Variants in ANKS1B observed in about 807,000 individuals in gnomAD.
The protein encoded by ANKS1B is ankyrin repeat and sterile alpha motif domain-containing protein 1B.
In ANKS1B, 36 loss-of-function variants were observed where a neutral mutation model predicts 148.3. That is an observed-to-expected ratio of 0.24 (90% CI 0.19 to 0.32). The LOEUF (loss-of-function observed/expected upper bound fraction) is 0.32, where lower values mean the gene tolerates loss of function less well. Among genes scored for constraint, ANKS1B ranks in the 10% least tolerant of loss-of-function variants. The probability of loss-of-function intolerance (pLI) is 1.00; values close to 1 mark genes in which losing one functional copy is unlikely to be tolerated. For synonymous variants in ANKS1B, 542 were observed against 560.8 expected (o/e 0.97, Z 0.47); for missense variants, 1,157 against 1,542.6 (o/e 0.75, Z 4.19).
At chr12:99,047,127 T>A (rs1223810054) in intron 17 of ANKS1B, among the ~76,000 whole-genome samples, 1 of 152,124 alleles carries the variant, frequency 6.6e-6, no homozygotes, top group African/African-American at 2.4e-5. Context: ...AGGCCAGATA[T>A]GGTGGCTTAC....
At chr12:99,937,617 C>T (rs1220418761) in intron 1 of ANKS1B, among the ~76,000 whole-genome samples, 1 of 152,108 alleles carries the variant, frequency 6.6e-6, no homozygotes, top group Non-Finnish European at 1.5e-5. Context: ...TTCCTGACAA[C>T]GTGGCATATG....
chr12:99,121,323 GTGT>G (rs2062806008), intron 15 of ANKS1B, among the ~76,000 whole-genome samples: 27 of 123,250 alleles, frequency 2.2e-4, no homozygotes, highest in South Asian at 1.1e-3. Flanking sequence ...ATGTAGGTAT[GTGT>G]GTGTGTGTGT....
intron 17 of ANKS1B, among the ~76,000 whole-genome samples, chr12:99,048,304 T>C (rs1210169636): frequency 6.6e-6 from 1 of 152,252 alleles, no homozygotes; most frequent in African/African-American, 2.4e-5. Flanking sequence ...CAGAGATAGA[T>C]CATAAATGGC....
At chr12:98,811,236 C>G (rs1414364167) in intron 19 of ANKS1B, among the ~76,000 whole-genome samples, 1 of 152,154 alleles carries the variant, frequency 6.6e-6, no homozygotes, top group Non-Finnish European at 1.5e-5. Context: ...AAATCTGCCT[C>G]TAGCTTGACT....
intron 12 of ANKS1B, among the ~76,000 whole-genome samples, chr12:99,371,008 T>C (rs1348734900): frequency 6.6e-6 from 1 of 152,056 alleles, no homozygotes; most frequent in African/African-American, 2.4e-5. Flanking sequence ...TTTTTGTTTG[T>C]TTTTGTTTCT....
intron 1 of ANKS1B, among the ~76,000 whole-genome samples, chr12:99,898,968 T>C (rs2093489002): frequency 6.6e-6 from 1 of 152,198 alleles, no homozygotes; most frequent in South Asian, 2.1e-4. Flanking sequence ...TCTAGTCCTC[T>C]CATTTTATAG....
chr12:99,796,207 G>A (rs997686157), intron 4 of ANKS1B, among the ~76,000 whole-genome samples: 1 of 151,954 alleles, frequency 6.6e-6, no homozygotes, highest in Admixed American at 6.6e-5. Flanking sequence ...CAGAGATGCT[G>A]GACAAAGGGA....
intron 16 of ANKS1B, among the ~76,000 whole-genome samples, chr12:99,058,691 T>G (rs997802234): frequency 1.3e-5 from 2 of 151,520 alleles, no homozygotes; most frequent in Non-Finnish European, 2.9e-5. Context: ...CAGTTTCTAC[T>G]TTTTCTCCTA....
At chr12:99,065,851 A>C (rs1432148646) in intron 16 of ANKS1B, among the ~76,000 whole-genome samples, 1 of 152,214 alleles carries the variant, frequency 6.6e-6, no homozygotes, top group Non-Finnish European at 1.5e-5. Flanking sequence ...TAATAAGCAT[A>C]ATAAATAAAG....
chr12:99,021,019 T>C (rs1192379422), intron 17 of ANKS1B, among the ~76,000 whole-genome samples: 4 of 152,140 alleles, frequency 2.6e-5, no homozygotes, highest in Admixed American at 1.3e-4. Context: ...ATGATATCTA[T>C]GATGCCAGAA....
intron 10 of ANKS1B, among the ~76,000 whole-genome samples, chr12:99,479,476 A>G (rs2096376168): frequency 6.6e-6 from 1 of 152,044 alleles, no homozygotes. Flanking sequence ...CCATAATGCT[A>G]TTGACCATCA....
At chr12:99,591,754 AT>A (rs1404378321) in intron 9 of ANKS1B, among the ~76,000 whole-genome samples, 2 of 152,142 alleles carry the variant, frequency 1.3e-5, no homozygotes, top group Non-Finnish European at 2.9e-5. Context: ...CACAAGTTTG[AT>A]AGGGGCTCTC....
intron 8 of ANKS1B, among the ~76,000 whole-genome samples, chr12:99,698,349 T>C (rs55719546): frequency 1.3e-5 from 2 of 152,000 alleles, no homozygotes; most frequent in South Asian, 4.1e-4. Flanking sequence ...CTTGGTAAAT[T>C]TGGTGGCATT....
At chr12:99,489,991 A>G (rs2096540294) in intron 10 of ANKS1B, among the ~76,000 whole-genome samples, 1 of 152,212 alleles carries the variant, frequency 6.6e-6, no homozygotes, top group Admixed American at 6.5e-5. Flanking sequence ...ATAGTTAAAT[A>G]TACAGCTCTG....
intron 12 of ANKS1B, among the ~76,000 whole-genome samples, chr12:99,382,962 C>T (rs1169114731): frequency 6.6e-6 from 1 of 151,986 alleles, no homozygotes; most frequent in Admixed American, 6.5e-5. Context: ...CCTGCCCCCT[C>T]CCACCCACTT....
At chr12:99,919,598 T>C (rs1017704273) in intron 1 of ANKS1B, among the ~76,000 whole-genome samples, 2 of 152,072 alleles carry the variant, frequency 1.3e-5, no homozygotes, top group Non-Finnish European at 2.9e-5. Context: ...GAAAGAAAAC[T>C]TAAATACTAC....
At chr12:99,729,635 T>G (rs1219977784) in intron 8 of ANKS1B, among the ~76,000 whole-genome samples, 1 of 152,216 alleles carries the variant, frequency 6.6e-6, no homozygotes, top group Non-Finnish European at 1.5e-5. Context: ...TTAGTCTGAT[T>G]TCTGACCACT....
intron 14 of ANKS1B, among the ~76,000 whole-genome samples, chr12:99,220,689 C>G (rs570819047): frequency 6.6e-6 from 1 of 151,764 alleles, no homozygotes; most frequent in Non-Finnish European, 1.5e-5. Flanking sequence ...CCTTGTGATC[C>G]GCCTGCCTTG....
At chr12:99,526,022 C>T (rs1421053782) in intron 9 of ANKS1B, among the ~76,000 whole-genome samples, 2 of 151,816 alleles carry the variant, frequency 1.3e-5, no homozygotes, top group African/African-American at 4.8e-5. Context: ...AGATTACAGG[C>T]AGTTGTAAAA....
Sources: allele counts gnomAD v4.1 joint callset (sites outside exome capture counted in the v4.1 genomes callset), GRCh38; gene constraint gnomAD v4.1.1; transcripts MANE v1.5; gene names NCBI Gene and HGNC (gene_info 2026-07-23, HGNC 2026-07-21).